The following SNCAIP variants were observed in gnomAD, a reference collection of about 807,000 sequenced individuals.
SNCAIP encodes the protein synuclein alpha interacting protein.
SNCAIP carries 43 observed loss-of-function variants against 86.7 expected under a neutral mutation model. The observed-to-expected ratio is 0.50, with a 90% CI of 0.39 to 0.64. SNCAIP has a LOEUF of 0.64. Among genes scored for constraint, SNCAIP ranks in the 30% least tolerant of loss-of-function variants. The probability of loss-of-function intolerance (pLI) is 0.00; values close to 1 mark genes in which losing one functional copy is unlikely to be tolerated. For missense variants in SNCAIP, 981 were observed against 1,103.1 expected, an observed-to-expected ratio of 0.89 and a Z score of 1.57; for synonymous variants, 417 against 427.2, an observed-to-expected ratio of 0.98 and a Z score of 0.29.
chr5:122,411,230 C>CT (rs1021994160), intron 3 of SNCAIP, among the ~76,000 whole-genome samples: 4 of 152,154 alleles, frequency 2.6e-5, no homozygotes, highest in Admixed American at 1.3e-4. Flanking sequence ...AGGGAAAGAA[C>CT]TGAAACATAG....
At chr5:122,462,321 C>T (rs1786558979) in intron 10 of SNCAIP, among the ~76,000 whole-genome samples, 1 of 152,172 alleles carries the variant, frequency 6.6e-6, no homozygotes, top group African/African-American at 2.4e-5. Flanking sequence ...ATACCATTGA[C>T]ATTTTGTCTG....
At chr5:122,323,129 G>A (rs773592059) in intron 1 of SNCAIP, among the ~76,000 whole-genome samples, 61 of 152,180 alleles carry the variant, frequency 4.0e-4, no homozygotes, top group Admixed American at 1.2e-3. Context: ...GAACTCCAAG[G>A]CCCATGAACT....
At chr5:122,391,612 A>G (rs1324224309) in intron 2 of SNCAIP, among the ~76,000 whole-genome samples, 2 of 152,222 alleles carry the variant, frequency 1.3e-5, no homozygotes, top group Non-Finnish European at 2.9e-5. Flanking sequence ...TTGATGAACA[A>G]TAAAAAGAAT....
rs1554103240 is a variant in SNCAIP, at chr5:122,413,761, A to AT, written c.131-9107_131-9106insT. On this transcript the variant is annotated intron_variant, in intron 3 of 10. Transcript: ENST00000261368. Reference sequence around the variant, plus strand: ...TAAAAAAAAGAAAAAAGAAAAAAAAAGGATCACCACCCTTAGCCAGTTGAA... The same window carrying AT: ...TAAAAAAAAGAAAAAAGAAAAAAAAATGGATCACCACCCTTAGCCAGTTGAA... Among the ~76,000 whole-genome samples, 5 of 152,316 alleles carry AT rather than the reference A, an allele frequency of 3.3e-5. No homozygotes were observed. In the South Asian group the frequency reaches 1.0e-3, roughly 32 times the overall value.
At chr5:122,342,440 T>A (rs929556595) in intron 1 of SNCAIP, among the ~76,000 whole-genome samples, 4 of 152,142 alleles carry the variant, frequency 2.6e-5, no homozygotes, top group Non-Finnish European at 5.9e-5. Flanking sequence ...TTCACATCAC[T>A]GGATGTGGAT....
chr5:122,458,631 C>T (rs1178891448), intron 10 of SNCAIP, among the ~76,000 whole-genome samples: 2 of 152,322 alleles, frequency 1.3e-5, no homozygotes, highest in South Asian at 2.1e-4. Flanking sequence ...TGGTGCTCTT[C>T]GTTCCCACGC....
intron 1 of SNCAIP, among the ~76,000 whole-genome samples, chr5:122,364,087 C>A (rs969737431): frequency 1.7e-4 from 26 of 152,048 alleles, no homozygotes; most frequent in African/African-American, 6.0e-4. Context: ...CCTCAGCTTC[C>A]CAAAGTGCTA....
At chr5:122,347,426 G>A (rs28584129) in intron 1 of SNCAIP, among the ~76,000 whole-genome samples, 6,586 of 148,814 alleles carry the variant, frequency 0.044, 478 homozygotes, top group African/African-American at 0.15. Context: ...CTCTTGACAG[G>A]CCTCTGTGCT....
intron 1 of SNCAIP, among the ~76,000 whole-genome samples, chr5:122,322,143 G>A (rs1753071728): frequency 6.6e-6 from 1 of 152,152 alleles, no homozygotes. Flanking sequence ...TGTTTCCAGT[G>A]GTTTTAGAGT....
At chr5:122,314,459 T>C (rs895373355) in intron 1 of SNCAIP, among the ~76,000 whole-genome samples, 4 of 152,242 alleles carry the variant, frequency 2.6e-5, no homozygotes, top group South Asian at 4.1e-4. Flanking sequence ...AGCTTTGTTT[T>C]TGGCAGTTTG....
chr5:122,439,780 A>AT (rs1008772781), intron 6 of SNCAIP, among the ~76,000 whole-genome samples: 9 of 152,218 alleles, frequency 5.9e-5, no homozygotes, highest in East Asian at 5.8e-4. Context: ...CCACTCTCAT[A>AT]TTTTTTTAAC....
chr5:122,439,040 A>G (rs1340006193), intron 6 of SNCAIP, among the ~76,000 whole-genome samples: 11 of 152,208 alleles, frequency 7.2e-5, no homozygotes, highest in Admixed American at 7.2e-4. Flanking sequence ...GGAGTTAAGA[A>G]TCGTATGCTA....
rs1776817220 is a variant in SNCAIP, at chr5:122,423,592, A to G, written c.855A>G (p.Leu285=). 8 of 1,614,142 alleles carry G rather than the reference A, an allele frequency of 5.0e-6. No individual in the cohort carries two copies. Among genetic ancestry groups the G allele is most frequent in the Non-Finnish European group, 5.9e-6 (7 of 1,180,024 alleles). The part of the protein sequence containing the change: ...TPDCQLRAFH[L]QSSAAESKPE... ...ACTGCCAGCTCAGGGCCTTCCACCT[A>G]CAATCCTCAGCAGCAGAATCCAAAC... The change falls in exon 4 of 11, where the codon CTA becomes CTG. Residue 285 remains leucine, a synonymous_variant. Coordinates refer to ENST00000261368, the MANE Select transcript of SNCAIP (RefSeq NM_005460.4).
chr5:122,384,766 A>G (rs947320815), intron 1 of SNCAIP, among the ~76,000 whole-genome samples: 7 of 152,244 alleles, frequency 4.6e-5, no homozygotes, highest in Non-Finnish European at 7.3e-5. Flanking sequence ...GATATCAAAC[A>G]TTCACTTGTA....
intron 7 of SNCAIP, among the ~76,000 whole-genome samples, chr5:122,442,659 T>C (rs956068792): frequency 3.3e-5 from 5 of 152,174 alleles, no homozygotes; most frequent in Admixed American, 2.6e-4. Context: ...AACAAAACAC[T>C]CTAATATTTA....
At chr5:122,348,736 A>G (rs1759151441) in intron 1 of SNCAIP, among the ~76,000 whole-genome samples, 1 of 152,088 alleles carries the variant, frequency 6.6e-6, no homozygotes, top group Non-Finnish European at 1.5e-5. Flanking sequence ...AGAGAACAAA[A>G]ATGGATGAGG....
At chr5:122,381,325 T>C (rs202077947) in intron 1 of SNCAIP, among the ~76,000 whole-genome samples, 23,742 of 140,258 alleles carry the variant, frequency 0.17, 2,400 homozygotes, top group African/African-American at 0.32. Flanking sequence ...TGATCTTTGT[T>C]GGTTTAAAGT....
intron 1 of SNCAIP, among the ~76,000 whole-genome samples, chr5:122,313,117 A>G (rs1187674320): frequency 6.6e-6 from 1 of 152,240 alleles, no homozygotes; most frequent in Admixed American, 6.5e-5. Context: ...AGGCAACAGC[A>G]TTGTTGCTCA....
chr5:122,361,284 C>G (rs1262301669), intron 1 of SNCAIP, among the ~76,000 whole-genome samples: 1 of 151,870 alleles, frequency 6.6e-6, no homozygotes, highest in Non-Finnish European at 1.5e-5. Flanking sequence ...ACACCTCCAT[C>G]TTTGCTGATA....
Sources: gnomAD v4.1 joint callset for allele counts (sites outside exome capture counted in the v4.1 genomes callset) on GRCh38, gnomAD v4.1.1 for gene constraint, MANE v1.5 for transcripts, NCBI Gene and HGNC (gene_info 2026-07-23, HGNC 2026-07-21) for gene names.